The following MAST4 variants were observed in gnomAD, a reference collection of about 807,000 sequenced individuals.
MAST4 encodes the protein microtubule-associated serine/threonine-protein kinase 4.
MAST4 carries 89 observed loss-of-function variants against 162.7 expected under a neutral mutation model. The ratio of observed to expected loss-of-function variants is 0.55; its 90% CI spans 0.46 to 0.65. MAST4 has a LOEUF of 0.65. MAST4 is among the 30% of genes least tolerant of loss of function. The probability of loss-of-function intolerance (pLI) is 0.00; values close to 1 mark genes in which losing one functional copy is unlikely to be tolerated. For synonymous variants in MAST4, 1,479 were observed against 1,361.1 expected, an observed-to-expected ratio of 1.09 and a Z score of -1.91; for missense variants, 3,153 against 3,374.0, an observed-to-expected ratio of 0.93 and a Z score of 1.62.
chr5:67,100,072 T>G (rs914910269), intron 7 of MAST4, among the ~76,000 whole-genome samples: 2 of 152,198 alleles, frequency 1.3e-5, no homozygotes, highest in African/African-American at 4.8e-5. Flanking sequence ...AGCAGTAAAC[T>G]CGGGGGTGCC....
chr5:67,026,659 T>TA (rs72534266), intron 4 of MAST4, among the ~76,000 whole-genome samples: 2 of 113,410 alleles, frequency 1.8e-5, no homozygotes, highest in African/African-American at 9.3e-5. Flanking sequence ...CTTCTAGGGT[T>TA]TCATACAGTT....
At chr5:67,139,627 G>A (rs957200917) in intron 19 of MAST4, among the ~76,000 whole-genome samples, 1 of 152,194 alleles carries the variant, frequency 6.6e-6, no homozygotes, top group Non-Finnish European at 1.5e-5. Flanking sequence ...GTTCATTAAG[G>A]TATCTAGTTC....
rs1471867131 is a variant in MAST4, at chr5:67,153,585, T to C, written c.3648+5T>C. 30 of 1,571,892 alleles carry C rather than the reference T, an allele frequency of 1.9e-5. No homozygotes were observed. Among genetic ancestry groups the C allele is most frequent in the Non-Finnish European group, 2.6e-5 (30 of 1,158,318 alleles). ...GTTATAGAACTCCTACTGAAGGTAT[T>C]GTATGTTTTATGTCAGGGCCATGCT... On this transcript the variant is annotated splice_donor_5th_base_variant and intron_variant, in intron 26 of 28. Coordinates refer to ENST00000403625, the MANE Select transcript of MAST4 (RefSeq NM_001164664.2).
At position 66,635,946 on chromosome 5, in the gene MAST4, G is replaced by GTTTTTTTTTTTTT. The variant is rs530576186; in HGVS notation, c.363+38945_363+38957dup. Among the ~76,000 whole-genome samples the GTTTTTTTTTTTTT allele has an allele frequency of 7.3e-5, 3 of 41,300 alleles. 1 individual carries two copies. Among genetic ancestry groups the GTTTTTTTTTTTTT allele is most frequent in the African/African-American group, 2.4e-4 (3 of 12,282 alleles). The allele number at this position is 41,300 out of a possible 152,430, so 27.1% of individuals were successfully genotyped here. A position where few individuals can be genotyped will look rare whatever the true frequency, so the allele number is the denominator to read the frequency against. ...AAAATCACTGCATAAGATAGAGACT[G>GTTTTTTTTTTTTT]TTTTTTTTTTTTTTTTTTTTTTTTT... On this transcript the variant is annotated intron_variant, in intron 1 of 28. Transcript: ENST00000403625.
chr5:66,715,380 AT>A (rs1288663361), intron 1 of MAST4, among the ~76,000 whole-genome samples: 1 of 152,050 alleles, frequency 6.6e-6, no homozygotes, highest in Non-Finnish European at 1.5e-5. Flanking sequence ...TGTGTTGATG[AT>A]TTTTTTGGCA....
At chr5:67,006,497 G>A (rs1372253439) in intron 4 of MAST4, among the ~76,000 whole-genome samples, 2 of 152,114 alleles carry the variant, frequency 1.3e-5, no homozygotes, top group African/African-American at 2.4e-5. Flanking sequence ...GTGATAATTC[G>A]TATGATTTCT....
intron 4 of MAST4, among the ~76,000 whole-genome samples, chr5:67,037,859 A>C (rs894527790): frequency 7.0e-6 from 1 of 142,182 alleles, no homozygotes. Flanking sequence ...TGCTAGACTC[A>C]TTGCCCAGGG....
At chr5:67,048,165 A>T (rs1020945773) in intron 4 of MAST4, among the ~76,000 whole-genome samples, 1 of 152,208 alleles carries the variant, frequency 6.6e-6, no homozygotes, top group Non-Finnish European at 1.5e-5. Context: ...AGCTTTTTCA[A>T]TCAAATGCAC....
At chr5:66,700,839 C>T (rs532239313) in intron 1 of MAST4, among the ~76,000 whole-genome samples, 4 of 147,554 alleles carry the variant, frequency 2.7e-5, no homozygotes, top group South Asian at 4.3e-4. Flanking sequence ...ATATACACAT[C>T]GGTGTATTAG....
intron 3 of MAST4, among the ~76,000 whole-genome samples, chr5:66,870,405 A>C (rs145566200): frequency 3.9e-4 from 60 of 152,262 alleles, no homozygotes; most frequent in African/African-American, 1.4e-3. Context: ...GCTTTCTGTT[A>C]TTTCAGGAAG....
intron 3 of MAST4, among the ~76,000 whole-genome samples, chr5:66,837,894 A>ATATATT (rs1554057455): frequency 1.5e-4 from 8 of 53,694 alleles, no homozygotes; most frequent in South Asian, 2.0e-3. Flanking sequence ...ATATATATAT[A>ATATATT]TTTTTTTTTT....
At chr5:66,791,091 T>C (rs1169759361) in intron 3 of MAST4, among the ~76,000 whole-genome samples, 1 of 152,118 alleles carries the variant, frequency 6.6e-6, no homozygotes, top group Non-Finnish European at 1.5e-5. Context: ...TAGCACAGTC[T>C]TGGCTCACTG....
At chr5:66,747,119 TG>T (rs1167855584) in intron 1 of MAST4, among the ~76,000 whole-genome samples, 134 of 151,810 alleles carry the variant, frequency 8.8e-4, no homozygotes, top group Non-Finnish European at 1.6e-3. Context: ...TGTGTGTGTG[TG>T]TGTGTGTGTG....
chr5:66,700,908 C>G (rs1749734384), intron 1 of MAST4, among the ~76,000 whole-genome samples: 1 of 151,590 alleles, frequency 6.6e-6, no homozygotes, highest in African/African-American at 2.4e-5. Flanking sequence ...TTGCTTATGG[C>G]TCTTTAGATC....
intron 4 of MAST4, among the ~76,000 whole-genome samples, chr5:66,956,576 C>A (rs147659878): frequency 1.3e-5 from 2 of 152,286 alleles, no homozygotes; most frequent in East Asian, 3.9e-4. Context: ...CTTGATTCTT[C>A]CCCTGTATCA....
At position 67,168,599 on chromosome 5, in the gene MAST4, A is replaced by T. The variant is rs966145023; in HGVS notation, c.*1548A>T. The stretch of plus-strand genomic sequence containing the variant: ...ATATAAATACTAAGGCACTAAGAGA[A>T]AATACAGATAAGTATTTATAAGTTG... On this transcript the variant is annotated 3_prime_UTR_variant, in exon 29 of 29. Coordinates refer to ENST00000403625, the MANE Select transcript of MAST4 (RefSeq NM_001164664.2). 2.6e-5 allele frequency: 4 copies of T among 152,242 alleles called. No homozygotes were observed. Among genetic ancestry groups the T allele is most frequent in the African/African-American group, 9.6e-5 (4 of 41,458 alleles). The allele number at this position is 152,242 out of a possible 1,614,324, so 9.4% of individuals were successfully genotyped here.
rs542664274 is a variant in MAST4 at position 67,134,507 on chromosome 5, T to A, written c.2227-16T>A. The A allele has an allele frequency of 3.5e-5, 56 of 1,603,768 alleles. No homozygotes were observed. In the East Asian group the frequency reaches 1.2e-3, roughly 33 times the overall value. On this transcript the variant is annotated splice_polypyrimidine_tract_variant and intron_variant, in intron 17 of 28. Coordinates refer to ENST00000403625, the MANE Select transcript of MAST4 (RefSeq NM_001164664.2). ...TCTAATATTCCAATTATTCTAATAT[T>A]GCAATTATCTTTTAGGTCTGTGGCA...
chr5:66,656,913 C>G (rs1433086145), intron 1 of MAST4, among the ~76,000 whole-genome samples: 1 of 152,126 alleles, frequency 6.6e-6, no homozygotes, highest in Non-Finnish European at 1.5e-5. Flanking sequence ...CATGTAAGTT[C>G]AGATATTAGG....
At chr5:66,878,643 A>G (rs916188800) in intron 3 of MAST4, among the ~76,000 whole-genome samples, 1 of 152,236 alleles carries the variant, frequency 6.6e-6, no homozygotes, top group African/African-American at 2.4e-5. Flanking sequence ...AGAGGAAGGC[A>G]ACCACTATAC....
Sources: gnomAD v4.1 joint callset for allele counts (sites outside exome capture counted in the v4.1 genomes callset) on GRCh38, gnomAD v4.1.1 for gene constraint, MANE v1.5 for transcripts, NCBI Gene and HGNC (gene_info 2026-07-23, HGNC 2026-07-21) for gene names.